The following SLC35F4 variants were observed in gnomAD, a reference collection of about 807,000 sequenced individuals.
SLC35F4 encodes solute carrier family 35 member F4, also known as chromosome 14 open reading frame 36.
A neutral mutation model predicts 44.2 loss-of-function variants in SLC35F4; 24 were observed. That is an observed-to-expected ratio of 0.54 (90% confidence interval 0.39 to 0.76). SLC35F4 has a LOEUF of 0.76. Ranked by LOEUF, SLC35F4 falls within the 30% of genes least tolerant of loss-of-function variation. The probability of loss-of-function intolerance (pLI) is 0.00; values close to 1 mark genes in which losing one functional copy is unlikely to be tolerated. For synonymous variants in SLC35F4, 238 were observed against 223.6 expected, an observed-to-expected ratio of 1.06 and a Z score of -0.57; for missense variants, 562 against 586.1, an observed-to-expected ratio of 0.96 and a Z score of 0.42.
At chr14:57,685,301 G>C (rs908322534) in intron 1 of SLC35F4, among the ~76,000 whole-genome samples, 1 of 152,126 alleles carries the variant, frequency 6.6e-6, no homozygotes, top group African/African-American at 2.4e-5. Flanking sequence ...AATCAGGTAA[G>C]GCCTTAGAGA....
chr14:57,890,217 G>A (rs966660866), intron 1 of SLC35F4, among the ~76,000 whole-genome samples: 3 of 152,218 alleles, frequency 2.0e-5, no homozygotes, highest in African/African-American at 7.2e-5. Context: ...GCAAACATGT[G>A]GAGTAGATAT....
chr14:57,747,545 A>C (rs571817564), intron 1 of SLC35F4, among the ~76,000 whole-genome samples: 1 of 152,276 alleles, frequency 6.6e-6, no homozygotes, highest in South Asian at 2.1e-4. Context: ...CAGCTCCAAC[A>C]ATTGGCAACC....
intron 1 of SLC35F4, among the ~76,000 whole-genome samples, chr14:57,608,474 C>G (rs1217973558): frequency 1.3e-5 from 2 of 152,092 alleles, no homozygotes. Context: ...GCCAAAAAAT[C>G]ACTAGAAGCT....
At chr14:57,777,455 G>A (rs1015150770) in intron 1 of SLC35F4, among the ~76,000 whole-genome samples, 3 of 152,132 alleles carry the variant, frequency 2.0e-5, no homozygotes, top group African/African-American at 7.2e-5. Flanking sequence ...TCATAAAAAA[G>A]GATGAGTTCA....
chr14:57,777,192 G>A (rs540640796), intron 1 of SLC35F4, among the ~76,000 whole-genome samples: 185 of 152,366 alleles, frequency 1.2e-3, no homozygotes, highest in African/African-American at 4.1e-3. Flanking sequence ...GTGTAAACTA[G>A]TTCAACCATT....
intron 1 of SLC35F4, among the ~76,000 whole-genome samples, chr14:57,839,733 G>T (rs1243414865): frequency 6.6e-6 from 1 of 152,002 alleles, no homozygotes; most frequent in East Asian, 1.9e-4. Context: ...TGCACACCCT[G>T]CCCATGTAAC....
rs182760974 is a variant in SLC35F4, at chr14:57,635,862, G to A, written c.104-41738C>T. On this transcript the variant is annotated intron_variant, in intron 1 of 7. Coordinates refer to ENST00000556826, the MANE Select transcript of SLC35F4 (RefSeq NM_001306087.2). ...AATTTATGCCAGTGTATGTAATTAC[G>A]CCAACACATATGGCACCTAAAAACC... 1.8e-3 allele frequency among the ~76,000 whole-genome samples: 269 copies of A among 152,170 alleles called. 4 individuals carry two copies. The highest frequency in any genetic ancestry group is 2.1e-3 in the Non-Finnish European group (146 of 68,008).
intron 1 of SLC35F4, among the ~76,000 whole-genome samples, chr14:57,722,231 G>A (rs1202850505): frequency 6.6e-6 from 1 of 152,196 alleles, no homozygotes; most frequent in African/African-American, 2.4e-5. Context: ...AGCTCAGGGA[G>A]TTAAAAAAAG....
chr14:57,729,974 C>G (rs1051312177), intron 1 of SLC35F4, among the ~76,000 whole-genome samples: 1 of 152,226 alleles, frequency 6.6e-6, no homozygotes, highest in African/African-American at 2.4e-5. Flanking sequence ...CAGCTTTACT[C>G]TCTGCTGTAA....
At chr14:57,570,794 T>C (rs1301211006) in intron 5 of SLC35F4, among the ~76,000 whole-genome samples, 1 of 152,220 alleles carries the variant, frequency 6.6e-6, no homozygotes, top group Non-Finnish European at 1.5e-5. Flanking sequence ...AAGAGTGCCA[T>C]TCTGGTCATA....
chr14:57,713,886 G>T (rs2140411396), intron 1 of SLC35F4, among the ~76,000 whole-genome samples: 1 of 152,250 alleles, frequency 6.6e-6, no homozygotes, highest in South Asian at 2.1e-4. Flanking sequence ...CCATCGAACT[G>T]CTGTTGTTGT....
At chr14:57,670,866 T>C (rs1218484062) in intron 1 of SLC35F4, among the ~76,000 whole-genome samples, 1 of 151,180 alleles carries the variant, frequency 6.6e-6, no homozygotes, top group Non-Finnish European at 1.5e-5. Context: ...ACAGAAGCTA[T>C]AGAGGACACT....
chr14:57,778,107 TGATG>T (rs938398692), intron 1 of SLC35F4, among the ~76,000 whole-genome samples: 25 of 152,168 alleles, frequency 1.6e-4, no homozygotes, highest in Non-Finnish European at 2.6e-4. Context: ...TAACAAGATC[TGATG>T]GTTTTTAAAA....
At chr14:57,843,593 C>G (rs975681062) in intron 1 of SLC35F4, among the ~76,000 whole-genome samples, 4 of 152,116 alleles carry the variant, frequency 2.6e-5, no homozygotes, top group Non-Finnish European at 5.9e-5. Context: ...TAAACTACCA[C>G]CAACTTTCTC....
chr14:57,622,244 G>T (rs1055745874), intron 1 of SLC35F4, among the ~76,000 whole-genome samples: 6 of 130,294 alleles, frequency 4.6e-5, no homozygotes, highest in Non-Finnish European at 8.1e-5. Flanking sequence ...TTCAACCACT[G>T]TGGAAGTCAG....
At chr14:57,659,479 TA>T (rs2074069904) in intron 1 of SLC35F4, among the ~76,000 whole-genome samples, 1 of 151,966 alleles carries the variant, frequency 6.6e-6, no homozygotes, top group African/African-American at 2.4e-5. Flanking sequence ...AAATAGAAAT[TA>T]AATAGAAAGC....
At chr14:57,728,761 C>A (rs574030792) in intron 1 of SLC35F4, among the ~76,000 whole-genome samples, 56 of 152,194 alleles carry the variant, frequency 3.7e-4, no homozygotes, top group African/African-American at 1.3e-3. Flanking sequence ...CCACACCTGG[C>A]CCCTTCCATT....
chr14:57,738,748 CATATATATATATATATATATATATAT>C lies in SLC35F4; in HGVS notation c.103+126949_103+126974del, dbSNP rs36212594. On this transcript the variant is annotated intron_variant, in intron 1 of 7. Transcript: ENST00000556826. ...CTTTATTTCATAATATTTGAATTTT[CATATATATATATATATATATATATAT>C]ATATATATATATAGGCTTCATATGT... is the stretch of plus-strand genomic sequence containing the variant. Among the ~76,000 whole-genome samples the C allele has an allele frequency of 1.3e-3, 144 of 110,286 alleles. 2 individuals are homozygous for C. The highest frequency in any genetic ancestry group is 4.8e-3 in the Middle Eastern group (1 of 208). The allele number at this position is 110,286 out of a possible 152,430, so 72.4% of individuals were successfully genotyped here.
At chr14:57,706,436 G>T (rs2075678656) in intron 1 of SLC35F4, among the ~76,000 whole-genome samples, 1 of 152,148 alleles carries the variant, frequency 6.6e-6, no homozygotes, top group Non-Finnish European at 1.5e-5. Context: ...TGGCCATGTT[G>T]CAGGCCTGTG....
Sources: gnomAD v4.1 joint callset for allele counts (sites outside exome capture counted in the v4.1 genomes callset) on GRCh38, gnomAD v4.1.1 for gene constraint, MANE v1.5 for transcripts, NCBI Gene and HGNC (gene_info 2026-07-23, HGNC 2026-07-21) for gene names.